Variants in PLEKHA6 observed in about 807,000 individuals in gnomAD.
PLEKHA6 encodes the protein pleckstrin homology domain containing A6.
A neutral mutation model predicts 116.7 loss-of-function variants in PLEKHA6; 60 were observed. The ratio of observed to expected loss-of-function variants is 0.51; its 90% CI spans 0.42 to 0.64. The LOEUF is 0.64. PLEKHA6 is among the 30% of genes least tolerant of loss of function. The pLI, the probability that PLEKHA6 is intolerant of heterozygous loss-of-function variation, is 0.00. For missense variants in PLEKHA6, 1,338 were observed against 1,422.7 expected, an observed-to-expected ratio of 0.94 and a Z score of 0.96; for synonymous variants, 489 against 556.1, an observed-to-expected ratio of 0.88 and a Z score of 1.70.
intron 1 of PLEKHA6, among the ~76,000 whole-genome samples, chr1:204,349,540 C>CAAA (rs11403796): frequency 2.3e-4 from 27 of 115,146 alleles, no homozygotes; most frequent in Admixed American, 3.7e-4. Flanking sequence ...GACTCCATCT[C>CAAA]AAAAAAAAAA....
At chr1:204,283,173 G>A (rs1442446769) in intron 1 of PLEKHA6, among the ~76,000 whole-genome samples, 1 of 152,116 alleles carries the variant, frequency 6.6e-6, no homozygotes, top group African/African-American at 2.4e-5. Context: ...CCTACGGAGA[G>A]CAGCGACCCC....
intron 1 of PLEKHA6, among the ~76,000 whole-genome samples, chr1:204,333,905 T>C (rs1172727130): frequency 6.6e-6 from 1 of 152,240 alleles, no homozygotes; most frequent in East Asian, 1.9e-4. Context: ...CGTCCATTCT[T>C]TATGCTCCTG....
chr1:204,246,052 A>G (rs1479934765), intron 13 of PLEKHA6, among the ~76,000 whole-genome samples: 2 of 152,198 alleles, frequency 1.3e-5, no homozygotes, highest in South Asian at 2.1e-4. Context: ...TGAACACTTT[A>G]TGGTATCCTG....
chr1:204,230,529 C>G lies in PLEKHA6; in HGVS notation c.2467G>C (p.Glu823Gln). Reference sequence around the variant, plus strand: ...TGCCGCCGCATTCGGTCAATCTGCTCCTCCACGCTCATCTTGACCTTCCCC... The same window carrying G: ...TGCCGCCGCATTCGGTCAATCTGCTGCTCCACGCTCATCTTGACCTTCCCC... Reference protein sequence around the residue: ...GEGKVKMSVEEQIDRMRRHQS... With the variant: ...GEGKVKMSVEQQIDRMRRHQS... Residue 823 changes from glutamate (E) to glutamine (Q), a missense_variant, in exon 18 of 23, where the codon GAG becomes CAG. Physicochemically the swap from Glu to Gln is conservative, Grantham distance 29. Coordinates refer to ENST00000272203, the MANE Select transcript of PLEKHA6 (RefSeq NM_014935.5). The G allele has an allele frequency of 1.3e-6, 2 of 1,599,312 alleles. No homozygotes were observed. Among genetic ancestry groups the G allele is most frequent in the Non-Finnish European group, 1.7e-6 (2 of 1,173,266 alleles).
chr1:204,244,836 C>A, intron 15 of PLEKHA6, 28 bp downstream of exon 15: 1 of 1,521,556 alleles, frequency 6.6e-7, no homozygotes, highest in Non-Finnish European at 8.8e-7. Context: ...CCTCCCCCAC[C>A]TACCTTCTAC....
intron 1 of PLEKHA6, among the ~76,000 whole-genome samples, chr1:204,351,438 C>T (rs763303925): frequency 6.6e-6 from 1 of 152,202 alleles, no homozygotes; most frequent in Non-Finnish European, 1.5e-5. Context: ...AGCTGTCATT[C>T]AGCCTAACCC....
intron 1 of PLEKHA6, among the ~76,000 whole-genome samples, chr1:204,313,078 CCCTTCCCTCCCTCCCT>C (rs1271737603): frequency 1.7e-5 from 2 of 116,580 alleles, no homozygotes; most frequent in East Asian, 6.2e-4. Context: ...CTCCCTTCCT[CCCTTCCCTCCCTCCCT>C]CCTTCCCTCC....
In PLEKHA6 at chr1:204,245,018, G is replaced by T; in HGVS notation, c.2033-15C>A. ...GCCAAGTCCTCCTTGGGGGAAACAA[G>T]GGGATGGGTGAGCAATGGAGGAGGG... is the stretch of plus-strand genomic sequence containing the variant. On this transcript the variant is annotated splice_polypyrimidine_tract_variant and intron_variant, in intron 14 of 22. Coordinates refer to ENST00000272203, the MANE Select transcript of PLEKHA6 (RefSeq NM_014935.5). 1 of 1,405,480 alleles carries T rather than the reference G, an allele frequency of 7.1e-7. No individual in the cohort carries two copies. The highest frequency in any genetic ancestry group is 9.3e-7 in the Non-Finnish European group (1 of 1,076,324). 87.1% of individuals were successfully genotyped at this position (1,405,480 alleles called of 1,614,324 possible).
At chr1:204,293,726 TG>T (rs1669996705) in intron 1 of PLEKHA6, among the ~76,000 whole-genome samples, 1 of 152,196 alleles carries the variant, frequency 6.6e-6, no homozygotes, top group Non-Finnish European at 1.5e-5. Context: ...TTTGGCAAAA[TG>T]TAAGACATTT....
intron 1 of PLEKHA6, among the ~76,000 whole-genome samples, chr1:204,352,011 T>A (rs1454131030): frequency 1.3e-5 from 2 of 151,478 alleles, no homozygotes; most frequent in African/African-American, 4.9e-5. Context: ...CAGGCGGAGG[T>A]TGCAGTGAGC....
intron 1 of PLEKHA6, among the ~76,000 whole-genome samples, chr1:204,325,029 T>C (rs1672195149): frequency 6.6e-6 from 1 of 152,166 alleles, no homozygotes; most frequent in Admixed American, 6.5e-5. Flanking sequence ...GCCATTCTCC[T>C]GCCTCAGCCT....
At chr1:204,244,808 A>G in intron 15 of PLEKHA6, 56 bp downstream of exon 15, 2 of 1,368,842 alleles carry the variant, frequency 1.5e-6, no homozygotes, top group South Asian at 2.9e-5. Context: ...GTTTCAGACA[A>G]ACGAGGATCT....
intron 1 of PLEKHA6, among the ~76,000 whole-genome samples, chr1:204,286,588 C>T (rs1170865471): frequency 1.3e-5 from 2 of 152,126 alleles, no homozygotes; most frequent in Non-Finnish European, 2.9e-5. Flanking sequence ...GGAAATAAGA[C>T]CAGCTGCACA....
intron 1 of PLEKHA6, among the ~76,000 whole-genome samples, chr1:204,326,493 C>T (rs531114129): frequency 6.6e-6 from 1 of 152,304 alleles, no homozygotes; most frequent in South Asian, 2.1e-4. Context: ...ATGGCTGCCC[C>T]AGTCCATGCC....
chr1:204,328,427 G>A (rs375074606), intron 1 of PLEKHA6, among the ~76,000 whole-genome samples: 23 of 143,906 alleles, frequency 1.6e-4, no homozygotes, highest in Middle Eastern at 3.8e-3. Context: ...ACAGAGTTTC[G>A]CTCTTGTTGC....
At chr1:204,269,747 G>C (rs1221756530) in intron 3 of PLEKHA6, among the ~76,000 whole-genome samples, 2 of 152,122 alleles carry the variant, frequency 1.3e-5, no homozygotes, top group Admixed American at 1.3e-4. Context: ...CTCCTTCCAA[G>C]GCTAAACACT....
chr1:204,320,333 T>G, intron 1 of PLEKHA6: 1 of 185,522 alleles, frequency 5.4e-6, no homozygotes, highest in Non-Finnish European at 1.0e-5. Context: ...GGGGTGAGCA[T>G]GGGGGGTGCT....
intron 1 of PLEKHA6, among the ~76,000 whole-genome samples, chr1:204,374,697 C>G (rs1230607964): frequency 6.6e-6 from 1 of 152,118 alleles, no homozygotes; most frequent in Non-Finnish European, 1.5e-5. Flanking sequence ...CTTTATCCTC[C>G]TCCTCTGTCT....
chr1:204,273,968 G>A (rs1667745580), intron 2 of PLEKHA6, among the ~76,000 whole-genome samples: 1 of 149,520 alleles, frequency 6.7e-6, no homozygotes, highest in South Asian at 2.1e-4. Context: ...GGGTCTTGCT[G>A]TGTCACCCAG....
Sources: gnomAD v4.1 joint callset for allele counts (sites outside exome capture counted in the v4.1 genomes callset) on GRCh38, gnomAD v4.1.1 for gene constraint, MANE v1.5 for transcripts, NCBI Gene and HGNC (gene_info 2026-07-23, HGNC 2026-07-21) for gene names.